Variants in CDC14B observed in about 807,000 individuals in gnomAD.
CDC14B encodes the protein cell division cycle 14B.
CDC14B carries 22 observed loss-of-function variants against 64.2 expected under a neutral mutation model. The ratio of observed to expected loss-of-function variants is 0.34; its 90% confidence interval spans 0.24 to 0.49. The LOEUF is 0.49. Ranked by LOEUF, CDC14B falls within the 20% of genes least tolerant of loss-of-function variation. The probability of loss-of-function intolerance (pLI) is 0.99; values close to 1 mark genes in which losing one functional copy is unlikely to be tolerated. For synonymous variants in CDC14B, 191 were observed against 215.8 expected (o/e 0.89, Z 1.01); for missense variants, 498 against 629.9 (o/e 0.79, Z 2.24).
At chr9:96,579,378 G>A (rs1253951584) in intron 1 of CDC14B, among the ~76,000 whole-genome samples, 14 of 151,886 alleles carry the variant, frequency 9.2e-5, no homozygotes, top group Admixed American at 9.2e-4. Flanking sequence ...ACAAGGTCAA[G>A]AGATTAAGAC....
At chr9:96,504,822 G>A (rs1833903714) in intron 13 of CDC14B, among the ~76,000 whole-genome samples, 1 of 152,108 alleles carries the variant, frequency 6.6e-6, no homozygotes, top group Admixed American at 6.5e-5. Flanking sequence ...AGAAGTTAGA[G>A]GTCCTAGATG....
intron 1 of CDC14B, among the ~76,000 whole-genome samples, chr9:96,583,922 G>A (rs1323403850): frequency 6.6e-6 from 1 of 152,032 alleles, no homozygotes; most frequent in East Asian, 1.9e-4. Context: ...GTTTCAGCAT[G>A]TTAGCCAGGA....
In CDC14B at chr9:96,614,804, C is replaced by A. The variant is rs940842695; in HGVS notation, c.160+4415G>T. ...ACAGCTCATTCTGATCTGTACCCAG[C>A]ATCTTTTTAGCTTTAATGCTTACAG... On this transcript the variant is annotated intron_variant, in intron 1 of 13. Transcript: ENST00000375241. 7.9e-5 allele frequency among the ~76,000 whole-genome samples: 12 copies of A among 152,278 alleles called. No homozygotes were observed. In the South Asian group the frequency reaches 8.3e-4, roughly 11 times the overall value.
Position 96,494,873 on chromosome 9 carries a change from C to T in CDC14B, c.*80+1334G>A, listed in dbSNP as rs146765939. ...CTTTTTTGTCGGAGTCTCGCTCTGT[C>T]GCCCAGGCTGCAGTGCAGTGGCGCG... is the stretch of plus-strand genomic sequence containing the variant. On this transcript the variant is annotated intron_variant and NMD_transcript_variant, in intron 13 of 13. Transcript: ENST00000474602. Among the ~76,000 whole-genome samples the T allele has an allele frequency of 2.4e-3, 348 of 146,394 alleles. 1 individual carries two copies. Among genetic ancestry groups the T allele is most frequent in the Admixed American group, 4.6e-3 (67 of 14,564 alleles).
intron 12 of CDC14B, among the ~76,000 whole-genome samples, chr9:96,513,518 C>T (rs1308343487): frequency 6.6e-6 from 1 of 152,232 alleles, no homozygotes; most frequent in African/African-American, 2.4e-5. Flanking sequence ...ATCCTACCTA[C>T]CTCTTGCCTA....
intron 1 of CDC14B, among the ~76,000 whole-genome samples, chr9:96,594,490 G>A (rs1845952881): frequency 6.6e-6 from 1 of 151,996 alleles, no homozygotes; most frequent in Non-Finnish European, 1.5e-5. Flanking sequence ...GCCAAGGCAG[G>A]TGGATCATTT....
intron 1 of CDC14B, among the ~76,000 whole-genome samples, chr9:96,588,281 A>C (rs1181542868): frequency 6.6e-6 from 1 of 152,028 alleles, no homozygotes; most frequent in Non-Finnish European, 1.5e-5. Flanking sequence ...TTACAACAAC[A>C]CATTTCCACA....
intron 1 of CDC14B, among the ~76,000 whole-genome samples, chr9:96,590,195 G>A (rs1845696816): frequency 6.6e-6 from 1 of 152,048 alleles, no homozygotes; most frequent in Admixed American, 6.6e-5. Context: ...TCTGTCTCTA[G>A]GAGTCTGACT....
At chr9:96,596,120 T>C (rs555964227) in intron 1 of CDC14B, among the ~76,000 whole-genome samples, 25 of 151,960 alleles carry the variant, frequency 1.6e-4, no homozygotes, top group African/African-American at 6.0e-4. Flanking sequence ...TCCCAGCACT[T>C]TGGGAGGCTG....
At chr9:96,595,862 A>G (rs930272356) in intron 1 of CDC14B, among the ~76,000 whole-genome samples, 1 of 152,142 alleles carries the variant, frequency 6.6e-6, no homozygotes, top group Admixed American at 6.6e-5. Context: ...GGATAATGAA[A>G]ATATATTAAA....
intron 6 of CDC14B, among the ~76,000 whole-genome samples, chr9:96,540,513 T>C (rs1386829225): frequency 1.3e-5 from 2 of 151,426 alleles, no homozygotes; most frequent in Non-Finnish European, 2.9e-5. Flanking sequence ...AAAATGAAAA[T>C]TTAATTTTAA....
intron 1 of CDC14B, among the ~76,000 whole-genome samples, chr9:96,590,076 C>T (rs537693531): frequency 6.6e-6 from 1 of 152,250 alleles, no homozygotes; most frequent in South Asian, 2.1e-4. Context: ...CACTGCTGCG[C>T]AATACATCTC....
At chr9:96,599,102 G>A (rs182270748) in intron 1 of CDC14B, among the ~76,000 whole-genome samples, 47 of 152,202 alleles carry the variant, frequency 3.1e-4, no homozygotes, top group African/African-American at 1.1e-3. Context: ...ACTTAGAGCC[G>A]GGTGTGGTGG....
chr9:96,535,996 G>A (rs532437202), intron 7 of CDC14B, among the ~76,000 whole-genome samples: 6 of 152,310 alleles, frequency 3.9e-5, no homozygotes, highest in African/African-American at 1.2e-4. Context: ...CAGAAATCTG[G>A]ACTTTTAAAT....
chr9:96,557,301 C>T (rs534947926), intron 4 of CDC14B, among the ~76,000 whole-genome samples: 19 of 152,346 alleles, frequency 1.2e-4, no homozygotes, highest in South Asian at 1.0e-3. Flanking sequence ...CTACTACTGA[C>T]GGTTGCCTCG....
chr9:96,541,088 T>TA (rs1839993533), intron 6 of CDC14B, among the ~76,000 whole-genome samples: 1 of 152,230 alleles, frequency 6.6e-6, no homozygotes, highest in South Asian at 2.1e-4. Flanking sequence ...AAGCACAAGT[T>TA]ACAGAAAAAT....
intron 1 of CDC14B, among the ~76,000 whole-genome samples, chr9:96,570,493 G>T (rs1254160113): frequency 6.6e-6 from 1 of 152,174 alleles, no homozygotes; most frequent in Non-Finnish European, 1.5e-5. Flanking sequence ...CCACAGACAG[G>T]CAGAAAGGAG....
downstream of CDC14B, among the ~76,000 whole-genome samples, chr9:96,495,771 G>A (rs1033056874): frequency 6.6e-6 from 1 of 152,168 alleles, no homozygotes; most frequent in Non-Finnish European, 1.5e-5. Context: ...GATGCCCTGG[G>A]AATTTTTACT....
intron 12 of CDC14B, 51 bp downstream of exon 12, chr9:96,522,455 C>T: frequency 8.5e-7 from 1 of 1,179,830 alleles, no homozygotes; most frequent in Non-Finnish European, 1.3e-6. Context: ...CACCAAGGAC[C>T]CCACACACAT....
Sources: gnomAD v4.1 joint callset for allele counts (sites outside exome capture counted in the v4.1 genomes callset) on GRCh38, gnomAD v4.1.1 for gene constraint, MANE v1.5 for transcripts, NCBI Gene and HGNC (gene_info 2026-07-23, HGNC 2026-07-21) for gene names.